The following GRID2 variants were observed in gnomAD, a reference collection of about 807,000 sequenced individuals.
GRID2 encodes glutamate receptor ionotropic, delta-2.
GRID2 carries 33 observed loss-of-function variants against 114.8 expected under a neutral mutation model. That is an observed-to-expected ratio of 0.29 (90% CI 0.22 to 0.38). GRID2 has a LOEUF of 0.38. Among genes scored for constraint, GRID2 ranks in the 10% least tolerant of loss-of-function variants. The pLI is 1.00. For synonymous variants in GRID2, 505 were observed against 449.9 expected, an observed-to-expected ratio of 1.12 and a Z score of -1.55; for missense variants, 1,184 against 1,257.7, an observed-to-expected ratio of 0.94 and a Z score of 0.89.
intron 1 of GRID2, among the ~76,000 whole-genome samples, chr4:92,433,679 A>G (rs1732588146): frequency 6.6e-6 from 1 of 152,082 alleles, no homozygotes; most frequent in African/African-American, 2.4e-5. Context: ...TAATGTTACA[A>G]CCAGGTACTG....
rs557262298 is a variant in GRID2, at chr4:92,892,280, T to A, written c.245-192715T>A. Among the ~76,000 whole-genome samples the A allele has an allele frequency of 8.5e-5, 13 of 152,196 alleles. No homozygotes were observed. In the East Asian group the frequency reaches 2.3e-3, roughly 27 times the overall value. On this transcript the variant is annotated intron_variant, in intron 2 of 15. Transcript: ENST00000282020. ...AGTTTCACCATGTTGGCCTGGCTGG[T>A]CTTGGTTTAAACTATTCTGTTAAAA...
At chr4:93,391,987 A>C (rs971779585) in intron 8 of GRID2, among the ~76,000 whole-genome samples, 3 of 152,188 alleles carry the variant, frequency 2.0e-5, no homozygotes, top group Non-Finnish European at 4.4e-5. Context: ...AGAAAATACT[A>C]TAGAAAATCA....
At chr4:92,889,977 C>G (rs530149586) in intron 2 of GRID2, among the ~76,000 whole-genome samples, 3 of 152,260 alleles carry the variant, frequency 2.0e-5, no homozygotes, top group Non-Finnish European at 4.4e-5. Flanking sequence ...TTACAACCGT[C>G]TGATCTTTGA....
chr4:93,691,933 G>A (rs934133541), intron 14 of GRID2, among the ~76,000 whole-genome samples: 1 of 151,896 alleles, frequency 6.6e-6, no homozygotes, highest in Non-Finnish European at 1.5e-5. Flanking sequence ...GTGTGTGTAT[G>A]TATGTGTGAT....
At chr4:92,516,213 A>G (rs979090577) in intron 1 of GRID2, among the ~76,000 whole-genome samples, 4 of 151,996 alleles carry the variant, frequency 2.6e-5, no homozygotes, top group Admixed American at 2.6e-4. Flanking sequence ...GCTTTGTTAA[A>G]CTTTATTTGA....
At chr4:93,200,520 C>A (rs184774374) in intron 4 of GRID2, among the ~76,000 whole-genome samples, 7 of 151,894 alleles carry the variant, frequency 4.6e-5, no homozygotes, top group Non-Finnish European at 1.0e-4. Context: ...GAGCCGAGAT[C>A]GCGCCACTGC....
chr4:93,479,395 G>A (rs1037510811), intron 11 of GRID2, among the ~76,000 whole-genome samples: 1 of 152,148 alleles, frequency 6.6e-6, no homozygotes. Flanking sequence ...GATAGATAGA[G>A]ATGTAGATAT....
At chr4:92,578,041 TTTC>T (rs201059955) in intron 1 of GRID2, among the ~76,000 whole-genome samples, 10,941 of 124,922 alleles carry the variant, frequency 0.088, 426 homozygotes, top group East Asian at 0.11. Flanking sequence ...TGAAACTTAG[TTTC>T]TTCTTCTTCT....
At chr4:93,728,249 T>C (rs944765057) in intron 14 of GRID2, among the ~76,000 whole-genome samples, 1 of 152,216 alleles carries the variant, frequency 6.6e-6, no homozygotes, top group Non-Finnish European at 1.5e-5. Context: ...ATGTACCCAG[T>C]AGTCATTCAG....
intron 9 of GRID2, among the ~76,000 whole-genome samples, chr4:93,419,165 T>C (rs1169766789): frequency 1.3e-5 from 2 of 151,626 alleles, no homozygotes; most frequent in African/African-American, 4.8e-5. Context: ...TTTTCTTTCT[T>C]TATATTTTTG....
chr4:93,716,440 G>T (rs980763212), intron 14 of GRID2, among the ~76,000 whole-genome samples: 1 of 151,848 alleles, frequency 6.6e-6, no homozygotes, highest in Non-Finnish European at 1.5e-5. Context: ...AATATAGCAG[G>T]GACATAATTA....
At chr4:93,648,134 A>G (rs1722275028) in intron 14 of GRID2, among the ~76,000 whole-genome samples, 1 of 152,162 alleles carries the variant, frequency 6.6e-6, no homozygotes, top group Non-Finnish European at 1.5e-5. Flanking sequence ...CATAAACTCA[A>G]CTGGAAAATT....
chr4:93,199,236 A>G (rs1741827515), intron 4 of GRID2, among the ~76,000 whole-genome samples: 1 of 152,212 alleles, frequency 6.6e-6, no homozygotes, highest in Non-Finnish European at 1.5e-5. Context: ...AAAGACAGTA[A>G]CACAGTGGTT....
At chr4:92,689,293 C>G (rs1370256065) in intron 2 of GRID2, among the ~76,000 whole-genome samples, 2 of 152,336 alleles carry the variant, frequency 1.3e-5, no homozygotes, top group African/African-American at 4.8e-5. Flanking sequence ...AAGCCAGGCA[C>G]TGACTTCTCC....
intron 4 of GRID2, among the ~76,000 whole-genome samples, chr4:93,203,733 T>A (rs1000958222): frequency 2.0e-5 from 3 of 152,194 alleles, no homozygotes; most frequent in Admixed American, 2.0e-4. Context: ...AAGATTTGTT[T>A]CATGTCAGCT....
chr4:93,382,299 T>G (rs548636624), intron 8 of GRID2, among the ~76,000 whole-genome samples: 3 of 152,122 alleles, frequency 2.0e-5, no homozygotes, highest in African/African-American at 7.2e-5. Context: ...TTGGGAGTTT[T>G]GGCCATTATG....
At chr4:92,495,424 G>T (rs1445439138) in intron 1 of GRID2, among the ~76,000 whole-genome samples, 1 of 151,978 alleles carries the variant, frequency 6.6e-6, no homozygotes, top group African/African-American at 2.4e-5. Flanking sequence ...CAGGTAGAAT[G>T]AAATAATTTT....
intron 4 of GRID2, among the ~76,000 whole-genome samples, chr4:93,156,681 AT>A (rs1007367321): frequency 1.3e-5 from 2 of 151,786 alleles, no homozygotes; most frequent in African/African-American, 4.8e-5. Context: ...GTGGGTAGTG[AT>A]TTTGATTTAG....
intron 11 of GRID2, among the ~76,000 whole-genome samples, chr4:93,470,275 A>G (rs1295135696): frequency 6.6e-6 from 1 of 152,158 alleles, no homozygotes; most frequent in African/African-American, 2.4e-5. Flanking sequence ...TACATATTTA[A>G]CTGATGAACC....
Sources: gnomAD v4.1 joint callset for allele counts (sites outside exome capture counted in the v4.1 genomes callset) on GRCh38, gnomAD v4.1.1 for gene constraint, MANE v1.5 for transcripts, NCBI Gene and HGNC (gene_info 2026-07-23, HGNC 2026-07-21) for gene names.